The following HCN1 variants were observed in gnomAD, a reference collection of about 807,000 sequenced individuals.
HCN1 encodes hyperpolarization activated cyclic nucleotide gated potassium channel 1, also known as potassium/sodium hyperpolarization-activated cyclic nucleotide-gated channel 1.
Under a neutral mutation model 78.9 loss-of-function variants are expected in HCN1, and 13 were observed. The ratio of observed to expected loss-of-function variants is 0.16; its 90% CI spans 0.11 to 0.26. HCN1 has a LOEUF of 0.26. Ranked by LOEUF, HCN1 falls within the 10% of genes least tolerant of loss-of-function variation. HCN1 has a pLI of 1.00. For synonymous variants in HCN1, 552 were observed against 455.5 expected (o/e 1.21, Z -2.70); for missense variants, 810 against 1,154.3 (o/e 0.70, Z 4.32).
intron 2 of HCN1, among the ~76,000 whole-genome samples, chr5:45,568,031 G>A (rs948568058): frequency 6.6e-6 from 1 of 151,734 alleles, no homozygotes; most frequent in African/African-American, 2.4e-5. Flanking sequence ...CATAAAACAG[G>A]TATTAGCTTC....
At chr5:45,572,625 A>G (rs1302048382) in intron 2 of HCN1, among the ~76,000 whole-genome samples, 1 of 152,174 alleles carries the variant, frequency 6.6e-6, no homozygotes, top group Non-Finnish European at 1.5e-5. Flanking sequence ...AATTGGGGAA[A>G]TATGTTTCTT....
intron 5 of HCN1, among the ~76,000 whole-genome samples, chr5:45,316,160 T>C (rs6887225): frequency 0.32 from 49,334 of 152,008 alleles, 10,348 homozygotes; most frequent in African/African-American, 0.58. Context: ...TGCAAAAATC[T>C]TCAATAAAAT....
chr5:45,622,558 T>C (rs1007492384), intron 2 of HCN1, among the ~76,000 whole-genome samples: 3 of 151,770 alleles, frequency 2.0e-5, no homozygotes, highest in Admixed American at 6.6e-5. Flanking sequence ...TTAAAGCTGA[T>C]TGGATGACTC....
intron 2 of HCN1, among the ~76,000 whole-genome samples, chr5:45,621,318 C>A (rs1745056586): frequency 6.8e-6 from 1 of 147,590 alleles, no homozygotes; most frequent in Admixed American, 6.7e-5. Flanking sequence ...ATTGTTCCAC[C>A]TTTCTTTTTT....
At chr5:45,453,057 G>A (rs945288602) in intron 3 of HCN1, among the ~76,000 whole-genome samples, 5 of 151,984 alleles carry the variant, frequency 3.3e-5, no homozygotes, top group Non-Finnish European at 7.4e-5. Flanking sequence ...AGCAAAGTGT[G>A]GAGAGCCTTT....
chr5:45,491,444 G>C (rs1741883794), intron 2 of HCN1, among the ~76,000 whole-genome samples: 1 of 151,992 alleles, frequency 6.6e-6, no homozygotes, highest in Non-Finnish European at 1.5e-5. Context: ...AATTTGAGCA[G>C]GTAGGGGCCT....
chr5:45,378,934 C>A (rs1047139195), intron 4 of HCN1, among the ~76,000 whole-genome samples: 4 of 152,026 alleles, frequency 2.6e-5, no homozygotes, highest in African/African-American at 7.3e-5. Flanking sequence ...TATCCATGTC[C>A]CTACAAAGGA....
At chr5:45,544,106 G>A (rs1743159185) in intron 2 of HCN1, among the ~76,000 whole-genome samples, 1 of 152,012 alleles carries the variant, frequency 6.6e-6, no homozygotes, top group Non-Finnish European at 1.5e-5. Context: ...GCTTCCAAGA[G>A]TCTGGAGTAC....
chr5:45,261,182 A>AT lies in HCN1; in HGVS notation c.*738dup, dbSNP rs1238113647. ...TACCTTCATACAACACAGAATAGCT[A>AT]TTTTTATTTGGGTTGAAAAAGTTAT... is the stretch of plus-strand genomic sequence containing the variant. On this transcript the variant is annotated 3_prime_UTR_variant, in exon 8 of 8. Transcript: ENST00000303230. 2 of 152,632 alleles carry AT rather than the reference A, an allele frequency of 1.3e-5. No homozygotes were observed. Among genetic ancestry groups the AT allele is most frequent in the African/African-American group, 4.8e-5 (2 of 41,456 alleles). The allele number at this position is 152,632 out of a possible 1,614,324, so 9.5% of individuals were successfully genotyped here.
intron 6 of HCN1, among the ~76,000 whole-genome samples, chr5:45,276,076 T>C (rs1259648104): frequency 1.3e-5 from 2 of 151,922 alleles, no homozygotes; most frequent in Non-Finnish European, 2.9e-5. Flanking sequence ...AATATGCTTC[T>C]AAAAAATGAA....
At chr5:45,684,179 C>T (rs1739758932) in intron 1 of HCN1, among the ~76,000 whole-genome samples, 3 of 152,068 alleles carry the variant, frequency 2.0e-5, no homozygotes, top group Admixed American at 2.0e-4. Context: ...ATGCATGGGT[C>T]AGAGGGTCAA....
In HCN1 at chr5:45,496,017, G is replaced by C. The variant is rs1256364287; in HGVS notation, c.850-34010C>G. Among the ~76,000 whole-genome samples, 5 of 152,120 alleles carry C rather than the reference G, an allele frequency of 3.3e-5. No homozygotes were observed. The East Asian group carries it at 9.6e-4, about 29-fold the overall frequency. On this transcript the variant is annotated intron_variant, in intron 2 of 7. Coordinates refer to ENST00000303230, the MANE Select transcript of HCN1 (RefSeq NM_021072.4). ...ATTCGGTTTGCTAGTATTTTACTGAGGATTTTTGCATCAATGTTCATCAAG... is the reference window on the plus strand; with the variant it reads ...ATTCGGTTTGCTAGTATTTTACTGACGATTTTTGCATCAATGTTCATCAAG...
intron 2 of HCN1, among the ~76,000 whole-genome samples, chr5:45,465,678 C>A (rs1049140315): frequency 3.3e-5 from 5 of 152,002 alleles, no homozygotes; most frequent in Non-Finnish European, 7.4e-5. Flanking sequence ...TCACTTGAAC[C>A]TGGGAGGTGG....
intron 3 of HCN1, among the ~76,000 whole-genome samples, chr5:45,414,987 A>G: frequency 6.6e-6 from 1 of 152,032 alleles, no homozygotes; most frequent in Non-Finnish European, 1.5e-5. Context: ...TTAAAACCAA[A>G]TTACACTTCC....
At chr5:45,301,346 T>A (rs1021511082) in intron 6 of HCN1, among the ~76,000 whole-genome samples, 9 of 151,340 alleles carry the variant, frequency 5.9e-5, no homozygotes, top group Non-Finnish European at 1.3e-4. Flanking sequence ...ATATGTATAA[T>A]AATAAAATAT....
At chr5:45,667,547 G>C (rs1279985593) in intron 1 of HCN1, among the ~76,000 whole-genome samples, 14 of 151,932 alleles carry the variant, frequency 9.2e-5, no homozygotes, top group Admixed American at 9.2e-4. Context: ...TATAGGTTTG[G>C]GAAAATATTA....
At chr5:45,453,258 T>G (rs1227260819) in intron 3 of HCN1, among the ~76,000 whole-genome samples, 1 of 152,104 alleles carries the variant, frequency 6.6e-6, no homozygotes, top group Non-Finnish European at 1.5e-5. Context: ...CAGTAGAAAC[T>G]ATTAGTCTGC....
intron 6 of HCN1, among the ~76,000 whole-genome samples, chr5:45,269,954 A>G (rs75652432): frequency 1.3e-3 from 198 of 152,290 alleles, no homozygotes; most frequent in African/African-American, 4.6e-3. Context: ...AACCACCAGC[A>G]TACATTTAAA....
At chr5:45,593,369 C>CAG (rs1554034741) in intron 2 of HCN1, among the ~76,000 whole-genome samples, 1 of 150,516 alleles carries the variant, frequency 6.6e-6, no homozygotes, top group Non-Finnish European at 1.5e-5. Flanking sequence ...CACACACACA[C>CAG]ACCCCACATG....
Sources: gnomAD v4.1 joint callset for allele counts (sites outside exome capture counted in the v4.1 genomes callset) on GRCh38, gnomAD v4.1.1 for gene constraint, MANE v1.5 for transcripts, NCBI Gene and HGNC (gene_info 2026-07-23, HGNC 2026-07-21) for gene names.